RNF166: variants seen among roughly 807,000 people sequenced by gnomAD.
The protein encoded by RNF166 is ring finger protein 166.
Under a neutral mutation model 29.4 loss-of-function variants are expected in RNF166, and 19 were observed. The observed-to-expected ratio is 0.65, with a 90% confidence interval of 0.45 to 0.95. RNF166 has a LOEUF of 0.95. RNF166 is among the 40% of genes least tolerant of loss of function. The probability of loss-of-function intolerance (pLI) is 0.00; values close to 1 mark genes in which losing one functional copy is unlikely to be tolerated. For missense variants in RNF166, 347 were observed against 322.1 expected (o/e 1.08, Z -0.59); for synonymous variants, 171 against 134.5 (o/e 1.27, Z -1.88).
intron 1 of RNF166, among the ~76,000 whole-genome samples, chr16:88,705,088 A>C (rs1436023978): frequency 6.6e-6 from 1 of 152,216 alleles, no homozygotes; most frequent in African/African-American, 2.4e-5. Flanking sequence ...CTCACAAGAG[A>C]AGTAGGTAGA....
chr16:88,698,192 G>A (rs1909823821), intron 5 of RNF166: 1 of 611,720 alleles, frequency 1.6e-6, no homozygotes, highest in African/African-American at 1.8e-5. Context: ...GCGCTCTCTA[G>A]AAAGCTTCCA....
chr16:88,698,247 G>A, intron 5 of RNF166: 2 of 660,754 alleles, frequency 3.0e-6, no homozygotes, highest in South Asian at 1.6e-5. Flanking sequence ...GGGGTGGGCA[G>A]GCAGGGACCT....
chr16:88,703,331 GC>G (rs1381276292), intron 1 of RNF166: 115 of 985,364 alleles, frequency 1.2e-4, no homozygotes, highest in Non-Finnish European at 1.3e-4. Context: ...CAGAGACCAG[GC>G]CGGGGCTCGG....
At chr16:88,701,534 C>G (rs1029734017) in intron 1 of RNF166, 116 bp from the exon 2 acceptor site, 1 of 999,584 alleles carries the variant, frequency 1.0e-6, no homozygotes, top group Non-Finnish European at 1.4e-6. Context: ...GGCAGCTCCC[C>G]CTACCGCTGT....
chr16:88,697,226 C>T lies in RNF166; in HGVS notation c.*342G>A, dbSNP rs990839284. On this transcript the variant is annotated 3_prime_UTR_variant, in exon 6 of 6. Transcript: ENST00000312838. ...CCCGGCTCGACTGCGGAGCGCGACTCGCGCGTCGGTCCCTTCTTCCCACGA... is the reference window on the plus strand; with the variant it reads ...CCCGGCTCGACTGCGGAGCGCGACTTGCGCGTCGGTCCCTTCTTCCCACGA... 2.4e-5 allele frequency: 5 copies of T among 208,032 alleles called. No homozygotes were observed. The highest frequency in any genetic ancestry group is 3.9e-5 in the Non-Finnish European group (4 of 103,146). The allele number at this position is 208,032 out of a possible 1,614,324, so 12.9% of individuals were successfully genotyped here.
At position 88,699,610 on chromosome 16, in the gene RNF166, G is replaced by C; in HGVS notation, c.425+10C>G. ...GACAGTTCCTCTCCCTTGCCCGGCA[G>C]CGTGCCTACCTGGGGATAGGCTGTG... is the stretch of plus-strand genomic sequence containing the variant. On this transcript the variant is annotated intron_variant, in intron 3 of 5. Transcript: ENST00000312838. 1 of 1,600,264 alleles carries C rather than the reference G, an allele frequency of 6.2e-7. No individual in the cohort carries two copies. Among genetic ancestry groups the C allele is most frequent in the Non-Finnish European group, 8.6e-7 (1 of 1,168,810 alleles).
At chr16:88,704,513 G>C in intron 1 of RNF166, 1 of 985,408 alleles carries the variant, frequency 1.0e-6, no homozygotes, top group Non-Finnish European at 1.2e-6. Flanking sequence ...AAAAAGAAGG[G>C]CAAAGACCAA....
chr16:88,703,737 C>T lies in RNF166; in HGVS notation c.156-2319G>A, dbSNP rs1031396440. The T allele has an allele frequency of 5.1e-6, 5 of 985,380 alleles. No homozygotes were observed. The African/African-American group carries it at 8.7e-5, about 17-fold the overall frequency. The allele number at this position is 985,380 out of a possible 1,614,324, so 61.0% of individuals were successfully genotyped here. ...GGGTGTGGGGGCGTCGACAGCCTTA[C>T]AAAGGGAGGGGCGATCGCGCACTGG... On this transcript the variant is annotated intron_variant, in intron 1 of 5. Transcript: ENST00000312838.
intron 1 of RNF166, among the ~76,000 whole-genome samples, chr16:88,705,344 G>A (rs1910674086): frequency 6.6e-6 from 1 of 152,244 alleles, no homozygotes; most frequent in South Asian, 2.1e-4. Context: ...TGTCTGCGGG[G>A]AAGCCCTCCT....
At chr16:88,703,950 AC>A in intron 1 of RNF166, 1 of 985,454 alleles carries the variant, frequency 1.0e-6, no homozygotes, top group Non-Finnish European at 1.2e-6. Context: ...GTTCGTGATC[AC>A]GCGTGTCCTG....
chr16:88,700,229 C>G (rs938626311), intron 2 of RNF166, among the ~76,000 whole-genome samples: 1 of 152,136 alleles, frequency 6.6e-6, no homozygotes, highest in Non-Finnish European at 1.5e-5. Context: ...GACTCAAGCT[C>G]GGCACCCAGC....
In RNF166 at chr16:88,696,632, G is replaced by C. The variant is rs989862124; in HGVS notation, c.*936C>G. ...GCCCCTGCCCAGGCCCCCAAGCTCTGCCACCACTGGGGTGCCGTCCCCTCC... is the reference window on the plus strand; with the variant it reads ...GCCCCTGCCCAGGCCCCCAAGCTCTCCCACCACTGGGGTGCCGTCCCCTCC... On this transcript the variant is annotated 3_prime_UTR_variant, in exon 6 of 6. Coordinates refer to ENST00000312838, the MANE Select transcript of RNF166 (RefSeq NM_178841.4). The C allele has an allele frequency of 2.4e-5, 11 of 451,310 alleles. No individual in the cohort carries two copies. Among genetic ancestry groups the C allele is most frequent in the African/African-American group, 4.0e-5 (2 of 49,494 alleles). The allele number at this position is 451,310 out of a possible 1,614,324, so 28.0% of individuals were successfully genotyped here.
At chr16:88,703,270 A>G in intron 1 of RNF166, 1 of 983,722 alleles carries the variant, frequency 1.0e-6, no homozygotes, top group Non-Finnish European at 1.2e-6. Flanking sequence ...ATAATTGCAA[A>G]CACACTGGAA....
At chr16:88,704,450 G>C (rs1910564738) in intron 1 of RNF166, 2 of 985,284 alleles carry the variant, frequency 2.0e-6, no homozygotes, top group Admixed American at 6.2e-5. Flanking sequence ...ACAATTCCAT[G>C]TGGTTCTGCA....
intron 1 of RNF166, chr16:88,703,473 A>G (rs1306695268): frequency 1.6e-5 from 16 of 985,324 alleles, no homozygotes; most frequent in Non-Finnish European, 1.9e-5. Context: ...CTCAGGAAAG[A>G]CACAAGAGGG....
At chr16:88,704,125 G>A in intron 1 of RNF166, 1 of 985,500 alleles carries the variant, frequency 1.0e-6, no homozygotes. Flanking sequence ...CCTGGAGGAG[G>A]AAGTTGCTCT....
intron 1 of RNF166, chr16:88,702,825 G>C: frequency 1.0e-6 from 1 of 985,484 alleles, no homozygotes; most frequent in South Asian, 4.7e-5. Context: ...GGTCATCCCT[G>C]GCACTGACCC....
At position 88,706,176 on chromosome 16, in the gene RNF166, G is replaced by A. The variant is rs1160048460; in HGVS notation, c.150C>T (p.Gly50=). The change falls in exon 1 of 6, where the codon GGC becomes GGT. Residue 50 remains glycine, a synonymous_variant. Coordinates refer to ENST00000312838, the MANE Select transcript of RNF166 (RefSeq NM_178841.4). ...CCCTGGGCGGGCGCGCTCACGTGTG[G>A]CCGCAGCTGCCGATGGCCACGGGCC... ...YHRPVAIGSC[G]HTFCGECLQP... 15 of 1,263,300 alleles carry A rather than the reference G, an allele frequency of 1.2e-5. No individual in the cohort carries two copies. The highest frequency in any genetic ancestry group is 1.5e-5 in the Non-Finnish European group (15 of 999,212). The allele number at this position is 1,263,300 out of a possible 1,614,324, so 78.3% of individuals were successfully genotyped here.
chr16:88,701,006 C>G (rs1233365006), intron 2 of RNF166: 4 of 1,364,000 alleles, frequency 2.9e-6, no homozygotes, highest in Non-Finnish European at 3.8e-6. Flanking sequence ...CGTGGGTTCC[C>G]CTGGCCCGGG....
Sources: allele counts gnomAD v4.1 joint callset (sites outside exome capture counted in the v4.1 genomes callset), GRCh38; gene constraint gnomAD v4.1.1; transcripts MANE v1.5; gene names NCBI Gene and HGNC (gene_info 2026-07-23, HGNC 2026-07-21).